PNLDC1: variants seen among roughly 807,000 people sequenced by gnomAD.
PNLDC1 encodes PARN like ribonuclease domain containing exonuclease 1, also known as poly(A)-specific ribonuclease PNLDC1.
Under a neutral mutation model 82.0 loss-of-function variants are expected in PNLDC1, and 70 were observed. The ratio of observed to expected loss-of-function variants is 0.85; its 90% CI spans 0.70 to 1.04. PNLDC1 has a LOEUF of 1.04. Among genes scored for constraint, PNLDC1 ranks in the 50% least tolerant of loss-of-function variants. The pLI, the probability that PNLDC1 is intolerant of heterozygous loss-of-function variation, is 0.00. For missense variants in PNLDC1, 631 were observed against 661.1 expected (o/e 0.95, Z 0.50); for synonymous variants, 280 against 249.3 (o/e 1.12, Z -1.16).
In PNLDC1 at chr6:159,816,489, G is replaced by A. The variant is rs1048208024; in HGVS notation, c.1061-54G>A. 2.6e-6 allele frequency: 4 copies of A among 1,512,712 alleles called. No individual in the cohort carries two copies. In the Admixed American group the frequency reaches 6.7e-5, roughly 25 times the overall value. 93.7% of individuals were successfully genotyped at this position (1,512,712 alleles called of 1,614,324 possible). On this transcript the variant is annotated intron_variant, in intron 13 of 18. Transcript: ENST00000392167. ...ACTGTGGATGGTGAGCTAGGATGGG[G>A]CGTGTTTCTAATGACTGCTCAATTC...
chr6:159,815,686 C>T (rs960563747), intron 12 of PNLDC1, among the ~76,000 whole-genome samples: 4 of 152,124 alleles, frequency 2.6e-5, no homozygotes, highest in African/African-American at 4.8e-5. Context: ...TAGACAGCTC[C>T]GGAGGACAGA....
chr6:159,816,085 G>C, intron 13 of PNLDC1, 52 bp downstream of exon 13: 3 of 1,183,880 alleles, frequency 2.5e-6, no homozygotes, highest in African/African-American at 2.5e-5. Flanking sequence ...GTGCTGAGGT[G>C]CTCAGCTGAG....
upstream of PNLDC1, among the ~76,000 whole-genome samples, chr6:159,799,529 CAT>C (rs1356615600): frequency 6.6e-6 from 1 of 152,142 alleles, no homozygotes. Flanking sequence ...CTTTGAGGAC[CAT>C]AGTTCCAAAA....
At chr6:159,810,759 A>G (rs559515850) in intron 10 of PNLDC1, among the ~76,000 whole-genome samples, 19 of 152,356 alleles carry the variant, frequency 1.2e-4, no homozygotes, top group African/African-American at 3.6e-4. Context: ...ATGAATTAAT[A>G]AACGTACAAA....
At chr6:159,799,458 A>G (rs1309281742), upstream of PNLDC1, among the ~76,000 whole-genome samples, 2 of 114,208 alleles carry the variant, frequency 1.8e-5, no homozygotes, top group Non-Finnish European at 4.2e-5. Flanking sequence ...TCAAAAGGAA[A>G]AAATAAAGTA....
intron 6 of PNLDC1, chr6:159,805,523 T>C (rs1781416607): frequency 6.5e-6 from 1 of 153,240 alleles, no homozygotes. Flanking sequence ...TAACCTTCTT[T>C]CATTTTCAAG....
intron 3 of PNLDC1, among the ~76,000 whole-genome samples, chr6:159,802,821 G>A (rs112242813): frequency 5.7e-4 from 87 of 151,920 alleles, no homozygotes; most frequent in African/African-American, 1.9e-3. Context: ...GACCTCAAGT[G>A]ATCCACCTGC....
chr6:159,819,467 G>A lies in PNLDC1; in HGVS notation c.1532+115G>A, dbSNP rs1179754006. On this transcript the variant is annotated intron_variant, in intron 18 of 18. Coordinates refer to ENST00000392167, the MANE Select transcript of PNLDC1 (RefSeq NM_001271862.2). The surrounding 1 kb of genome is among the most constrained non-coding windows in gnomAD (Gnocchi z 4.6). ...CTCACTTGCTGGTGTGTGTTGCCAAGGGGGTTGTGTTGACGAGTGTGGTGC... is the reference window on the plus strand; with the variant it reads ...CTCACTTGCTGGTGTGTGTTGCCAAAGGGGTTGTGTTGACGAGTGTGGTGC... 1.1e-6 allele frequency: 1 copy of A among 916,214 alleles called. No individual in the cohort carries two copies. Among genetic ancestry groups the A allele is most frequent in the African/African-American group, 1.6e-5 (1 of 60,746 alleles). 56.8% of individuals were successfully genotyped at this position (916,214 alleles called of 1,614,324 possible).
Position 159,803,256 on chromosome 6 carries a change from C to T in PNLDC1, c.209-15C>T, listed in dbSNP as rs369830295. 313 of 1,613,732 alleles carry T rather than the reference C, an allele frequency of 1.9e-4. No individual in the cohort carries two copies. In the African/African-American group the frequency reaches 2.7e-3, roughly 14 times the overall value. ...TTTTCCTTGGCATTCATTCCCTCTA[C>T]GGTCATTCTTCCAGGATTGTCTGTG... On this transcript the variant is annotated splice_polypyrimidine_tract_variant and intron_variant, in intron 3 of 18. Coordinates refer to ENST00000392167, the MANE Select transcript of PNLDC1 (RefSeq NM_001271862.2).
chr6:159,816,440 T>A, intron 13 of PNLDC1, 103 bp from the exon 14 acceptor site: 1 of 1,017,900 alleles, frequency 9.8e-7, no homozygotes, highest in Non-Finnish European at 1.6e-6. Flanking sequence ...TGCAGGACCA[T>A]GGGAGGTTGT....
At chr6:159,810,200 C>A in intron 10 of PNLDC1, 105 bp downstream of exon 10, 1 of 992,424 alleles carries the variant, frequency 1.0e-6, no homozygotes, top group Non-Finnish European at 1.6e-6. Flanking sequence ...ATGCCCATTC[C>A]TCCCCAGTGT....
chr6:159,805,896 G>A (rs1781429507), intron 6 of PNLDC1, 87 bp from the exon 7 acceptor site: 1 of 953,878 alleles, frequency 1.0e-6, no homozygotes, highest in Non-Finnish European at 1.7e-6. Flanking sequence ...AAACCAGAGG[G>A]TTCAGAAACT....
chr6:159,807,632 A>G (rs918129606), intron 7 of PNLDC1, among the ~76,000 whole-genome samples: 5 of 152,216 alleles, frequency 3.3e-5, no homozygotes, highest in African/African-American at 1.2e-4. Context: ...AACCCTGCCA[A>G]CCAGCATTTT....
chr6:159,800,268 C>T, upstream of PNLDC1: 1 of 1,413,670 alleles, frequency 7.1e-7, no homozygotes, highest in Non-Finnish European at 9.6e-7. Flanking sequence ...ACGTGGGCAG[C>T]ACGTGATAGC....
rs1285185232 is a variant in PNLDC1, at chr6:159,800,277, G to A, written c.-31G>A. 2 of 1,537,758 alleles carry A rather than the reference G, an allele frequency of 1.3e-6. No homozygotes were observed. Among genetic ancestry groups the A allele is most frequent in the South Asian group, 1.2e-5 (1 of 83,584 alleles). ...GGCAGCACGTGGGCAGCACGTGATA[G>A]CGCTGGGCGACTCCGCGGAGCTGCA... On this transcript the variant is annotated 5_prime_UTR_variant, in exon 1 of 19. Coordinates refer to ENST00000392167, the MANE Select transcript of PNLDC1 (RefSeq NM_001271862.2).
chr6:159,814,944 G>A (rs1781764414), intron 12 of PNLDC1, among the ~76,000 whole-genome samples: 2 of 152,150 alleles, frequency 1.3e-5, no homozygotes, highest in African/African-American at 4.8e-5. Flanking sequence ...ACAGCTCATG[G>A]CACACCCACG....
chr6:159,803,262 T>A lies in PNLDC1; in HGVS notation c.209-9T>A, dbSNP rs1372086895. The stretch of plus-strand genomic sequence containing the variant: ...TTGGCATTCATTCCCTCTACGGTCA[T>A]TCTTCCAGGATTGTCTGTGTTTTCC... On this transcript the variant is annotated splice_polypyrimidine_tract_variant and intron_variant, in intron 3 of 18. Coordinates refer to ENST00000392167, the MANE Select transcript of PNLDC1 (RefSeq NM_001271862.2). 5 of 1,613,888 alleles carry A rather than the reference T, an allele frequency of 3.1e-6. No homozygotes were observed. The highest frequency in any genetic ancestry group is 4.2e-6 in the Non-Finnish European group (5 of 1,179,876).
rs1271706785 is a variant in PNLDC1 at position 159,806,084 on chromosome 6, G to C, written c.562+1G>C. ...TGGATGACTCTTCCTGGGATCACTGGTAGGCAGGGCCTGTTCCTCCCAACG... is the reference window on the plus strand; with the variant it reads ...TGGATGACTCTTCCTGGGATCACTGCTAGGCAGGGCCTGTTCCTCCCAACG... On this transcript the variant is annotated splice_donor_variant, in intron 7 of 18. Coordinates refer to ENST00000392167, the MANE Select transcript of PNLDC1 (RefSeq NM_001271862.2). LOFTEE classifies it high-confidence loss of function. 1.2e-6 allele frequency: 2 copies of C among 1,612,432 alleles called. No homozygotes were observed. The highest frequency in any genetic ancestry group is 1.1e-5 in the South Asian group (1 of 91,036).
At chr6:159,816,122 A>ACCCCCCCCCCCCCCCCCCCCCC in intron 13 of PNLDC1, 89 bp downstream of exon 13, 1 of 526,644 alleles carries the variant, frequency 1.9e-6, no homozygotes, top group Non-Finnish European at 2.5e-6. Context: ...GTTCCCCCAC[A>ACCCCCCCCCCCCCCCCCCCCCC]CCCCTCCCCA....
Sources: gnomAD v4.1 joint callset for allele counts (sites outside exome capture counted in the v4.1 genomes callset) on GRCh38, gnomAD v4.1.1 for gene constraint, Gnocchi (gnomAD v3.1) non-coding constraint, MANE v1.5 for transcripts, NCBI Gene and HGNC (gene_info 2026-07-23, HGNC 2026-07-21) for gene names.